LRCH1: variants seen among roughly 807,000 people sequenced by gnomAD.
The protein encoded by LRCH1 is leucine rich repeats and calponin homology domain containing 1, also known as leucine-rich repeat and calponin homology domain-containing protein 1.
LRCH1 carries 23 observed loss-of-function variants against 94.9 expected under a neutral mutation model. The ratio of observed to expected loss-of-function variants is 0.24; its 90% confidence interval spans 0.17 to 0.34. The LOEUF (loss-of-function observed/expected upper bound fraction) is 0.34, where lower values mean the gene tolerates loss of function less well. LRCH1 is among the 10% of genes least tolerant of loss of function. The probability of loss-of-function intolerance (pLI) is 1.00; values close to 1 mark genes in which losing one functional copy is unlikely to be tolerated. For synonymous variants in LRCH1, 364 were observed against 354.9 expected (o/e 1.03, Z -0.29); for missense variants, 790 against 945.9 (o/e 0.84, Z 2.16).
chr13:46,750,787 C>T, exon 19 of LRCH1: 1 of 610,708 alleles, frequency 1.6e-6, no homozygotes, highest in Non-Finnish European at 2.9e-6. Flanking sequence ...AAACAATTTT[C>T]AGTCTAAGGG....
intron 11 of LRCH1, among the ~76,000 whole-genome samples, chr13:46,704,093 A>G (rs535500084): frequency 1.3e-5 from 2 of 152,024 alleles, no homozygotes; most frequent in Admixed American, 1.3e-4. Context: ...GATCATTGTT[A>G]TTTATCCTGA....
intron 1 of LRCH1, among the ~76,000 whole-genome samples, chr13:46,611,822 A>G (rs760650055): frequency 6.6e-6 from 1 of 152,264 alleles, no homozygotes; most frequent in East Asian, 1.9e-4. Flanking sequence ...TGTGATGACT[A>G]TAAAATTTGA....
rs1040188491 is a variant in LRCH1 at position 46,741,492 on chromosome 13, A to G, written c.2086-150A>G. 12 of 835,230 alleles carry G rather than the reference A, an allele frequency of 1.4e-5. No individual in the cohort carries two copies. The African/African-American group carries it at 2.0e-4, about 14-fold the overall frequency. The allele number at this position is 835,230 out of a possible 1,614,324, so 51.7% of individuals were successfully genotyped here. A position where few individuals can be genotyped will look rare whatever the true frequency, so the allele number is the denominator to read the frequency against. On this transcript the variant is annotated intron_variant, in intron 19 of 19. Coordinates refer to ENST00000389797, the MANE Select transcript of LRCH1 (RefSeq NM_001164211.2). ...ATTATGATGGATTAAAAAATCTTTG[A>G]TGATGAAAGGGTCTTACCTGCTTGA...
chr13:46,606,728 C>A (rs779828480), intron 1 of LRCH1, among the ~76,000 whole-genome samples: 1 of 152,090 alleles, frequency 6.6e-6, no homozygotes, highest in Admixed American at 6.5e-5. Context: ...TGGGCCACTA[C>A]GCTCGGCCAA....
At chr13:46,587,052 AACTAGC>A (rs1450644651) in intron 1 of LRCH1, among the ~76,000 whole-genome samples, 1 of 152,232 alleles carries the variant, frequency 6.6e-6, no homozygotes, top group Non-Finnish European at 1.5e-5. Context: ...GCTAAGGATC[AACTAGC>A]TCATGACAAA....
chr13:46,711,170 C>T (rs1278804883), intron 13 of LRCH1, among the ~76,000 whole-genome samples: 1 of 152,150 alleles, frequency 6.6e-6, no homozygotes, highest in Non-Finnish European at 1.5e-5. Flanking sequence ...CTCCTGTGTT[C>T]TCCGTGGTAT....
chr13:46,723,173 A>T (rs1593377100), intron 16 of LRCH1, 48 bp from the exon 17 acceptor site: 1 of 998,902 alleles, frequency 1.0e-6, no homozygotes, highest in South Asian at 1.4e-5. Context: ...GAATAGCCCT[A>T]TGTGACAAGG....
At chr13:46,589,489 A>AT (rs201348084) in intron 1 of LRCH1, among the ~76,000 whole-genome samples, 76 of 149,090 alleles carry the variant, frequency 5.1e-4, no homozygotes, top group Admixed American at 2.8e-3. Flanking sequence ...TTTTATGGCG[A>AT]TTTTTTCTTC....
intron 3 of LRCH1, among the ~76,000 whole-genome samples, chr13:46,681,046 C>T (rs1049907045): frequency 6.6e-5 from 10 of 152,182 alleles, no homozygotes; most frequent in African/African-American, 2.2e-4. Context: ...ATGTCAAGGC[C>T]TCCATTTCTC....
intron 1 of LRCH1, among the ~76,000 whole-genome samples, chr13:46,623,296 G>T (rs1032139198): frequency 6.6e-6 from 1 of 152,158 alleles, no homozygotes; most frequent in Non-Finnish European, 1.5e-5. Flanking sequence ...AGAATGTGTA[G>T]ACTGAGTAGG....
chr13:46,608,749 C>T (rs574407085), intron 1 of LRCH1, among the ~76,000 whole-genome samples: 110 of 152,306 alleles, frequency 7.2e-4, no homozygotes, highest in African/African-American at 2.5e-3. Flanking sequence ...CAGTCTTTAA[C>T]TTGGACTGAT....
At chr13:46,659,163 GATTTATTTATTTATTTATTT>G (rs67901139) in intron 2 of LRCH1, among the ~76,000 whole-genome samples, 6 of 149,104 alleles carry the variant, frequency 4.0e-5, no homozygotes, top group Non-Finnish European at 5.9e-5. Flanking sequence ...AAATACTTCA[GATTTATTTATTTATTTATTT>G]ATTTATTTAT....
At chr13:46,666,991 A>T (rs1297950198) in intron 2 of LRCH1, among the ~76,000 whole-genome samples, 2 of 152,118 alleles carry the variant, frequency 1.3e-5, no homozygotes, top group Non-Finnish European at 2.9e-5. Context: ...CATTGCCCTT[A>T]TTCTCTTGGT....
At chr13:46,666,472 G>C (rs1467347130) in intron 2 of LRCH1, among the ~76,000 whole-genome samples, 1 of 152,136 alleles carries the variant, frequency 6.6e-6, no homozygotes, top group Non-Finnish European at 1.5e-5. Context: ...CTAGTGAGAC[G>C]GATAACTTAG....
At chr13:46,682,861 T>G (rs940842157) in intron 4 of LRCH1, among the ~76,000 whole-genome samples, 2 of 152,176 alleles carry the variant, frequency 1.3e-5, no homozygotes, top group African/African-American at 4.8e-5. Flanking sequence ...AAGGCAGATA[T>G]GTATATTTAT....
chr13:46,574,914 A>G (rs974853289), intron 1 of LRCH1, among the ~76,000 whole-genome samples: 1 of 151,282 alleles, frequency 6.6e-6, no homozygotes, highest in Non-Finnish European at 1.5e-5. Flanking sequence ...AAATCCAAAC[A>G]AAGTCCTTTT....
In LRCH1 at chr13:46,712,567, A is replaced by G; in HGVS notation, c.1624A>G (p.Thr542Ala). Residue 542 changes from threonine (T) to alanine (A), a missense_variant, in exon 15 of 20, where the codon ACA (threonine) becomes GCA (alanine). Around this residue, in one of 3 missense-constraint regions of LRCH1, gnomAD observed 460 missense variants for 508.9 expected, o/e 0.90. Transcript: ENST00000389797. ...TGCAGTCTCTCCTACCACAAACAGC[A>G]CAGCTCCATTTGGCCTGAAGCCTCG... The part of the protein sequence containing the change: ...SPAVSPTTNS[T>A]APFGLKPRSD... The G allele has an allele frequency of 6.2e-7, 1 of 1,613,996 alleles. No homozygotes were observed. The highest frequency in any genetic ancestry group is 8.5e-7 in the Non-Finnish European group (1 of 1,179,880).
chr13:46,724,249 C>T (rs1872711952), intron 17 of LRCH1, among the ~76,000 whole-genome samples: 1 of 152,148 alleles, frequency 6.6e-6, no homozygotes, highest in African/African-American at 2.4e-5. Context: ...CTCTCTGTTG[C>T]CCAGACTAGA....
intron 1 of LRCH1, among the ~76,000 whole-genome samples, chr13:46,585,485 G>A (rs1312221997): frequency 1.3e-5 from 2 of 150,916 alleles, no homozygotes; most frequent in South Asian, 4.2e-4. Context: ...TCTGGGAGGC[G>A]GAGCTTTCAG....
Sources: allele counts gnomAD v4.1 joint callset (sites outside exome capture counted in the v4.1 genomes callset), GRCh38; gene constraint gnomAD v4.1.1; regional missense constraint gnomAD v4.1.1; transcripts MANE v1.5; gene names NCBI Gene and HGNC (gene_info 2026-07-23, HGNC 2026-07-21).